Variants in OSBPL6 observed in about 807,000 individuals in gnomAD.
The protein encoded by OSBPL6 is oxysterol-binding protein-related protein 6.
In OSBPL6, 49 loss-of-function variants were observed where a neutral mutation model predicts 125.8. That is an observed-to-expected ratio of 0.39 (90% confidence interval 0.31 to 0.49). The LOEUF is 0.49. OSBPL6 is among the 20% of genes least tolerant of loss of function. The pLI is 0.88. For missense variants in OSBPL6, 986 were observed against 1,135.4 expected (o/e 0.87, Z 1.89); for synonymous variants, 394 against 391.8 (o/e 1.01, Z -0.07).
At chr2:178,279,646 A>G (rs767849104) in intron 1 of OSBPL6, among the ~76,000 whole-genome samples, 1 of 152,216 alleles carries the variant, frequency 6.6e-6, no homozygotes, top group Non-Finnish European at 1.5e-5. Flanking sequence ...ACGAAAACGC[A>G]TGTGTGTGCA....
rs202046526 is a variant in OSBPL6 at position 178,253,846 on chromosome 2, AGGTGG to A, written c.-350-31078_-350-31074del. On this transcript the variant is annotated intron_variant, in intron 1 of 24. Transcript: ENST00000190611. ...TAATCCCCAATGTGGCAGTATGGAG[AGGTGG>A]GGCCTTTAAGAGGTGATTGAGTCAT... Among the ~76,000 whole-genome samples, 876 of 152,282 alleles carry A rather than the reference AGGTGG, an allele frequency of 5.8e-3. 12 individuals carry two copies. Among genetic ancestry groups the A allele is most frequent in the African/African-American group, 0.019 (801 of 41,558 alleles).
intron 3 of OSBPL6, chr2:178,320,199 A>T: frequency 6.8e-7 from 1 of 1,480,312 alleles, no homozygotes; most frequent in Non-Finnish European, 9.0e-7. Context: ...CTGTTTACCT[A>T]TGTCTTTGAT....
At chr2:178,202,279 C>T (rs1010728071) in intron 1 of OSBPL6, among the ~76,000 whole-genome samples, 1 of 152,094 alleles carries the variant, frequency 6.6e-6, no homozygotes, top group African/African-American at 2.4e-5. Context: ...TTTCTTTCTT[C>T]TTAAAAGGAC....
chr2:178,294,887 G>A (rs1439442797), intron 2 of OSBPL6, among the ~76,000 whole-genome samples: 1 of 144,272 alleles, frequency 6.9e-6, no homozygotes, highest in Non-Finnish European at 1.5e-5. Flanking sequence ...TTTTTTTGTG[G>A]TGAGAACATG....
rs553381715 is a variant in OSBPL6 at position 178,396,575 on chromosome 2, A to G, written c.*1016A>G. Reference sequence around the variant, plus strand: ...TTTTGAGTGAAGCACCATGTAATCCATGTCTCAATCCCATGCCCGCTCCAC... The same window carrying G: ...TTTTGAGTGAAGCACCATGTAATCCGTGTCTCAATCCCATGCCCGCTCCAC... On this transcript the variant is annotated 3_prime_UTR_variant, in exon 25 of 25. Coordinates refer to ENST00000190611, the MANE Select transcript of OSBPL6 (RefSeq NM_032523.4). The G allele has an allele frequency of 3.3e-5, 5 of 152,386 alleles. No homozygotes were observed. In the East Asian group the frequency reaches 9.6e-4, roughly 29 times the overall value. 9.4% of individuals were successfully genotyped at this position (152,386 alleles called of 1,614,324 possible).
intron 15 of OSBPL6, among the ~76,000 whole-genome samples, chr2:178,379,279 G>GA (rs1335132191): frequency 1.4e-4 from 18 of 126,738 alleles, no homozygotes; most frequent in East Asian, 2.6e-4. Flanking sequence ...GAGAAAGAAA[G>GA]AAAGAAAAGA....
chr2:178,240,128 G>A (rs2091230280), intron 1 of OSBPL6, among the ~76,000 whole-genome samples: 7 of 152,132 alleles, frequency 4.6e-5, no homozygotes, highest in Admixed American at 4.6e-4. Flanking sequence ...CAGAAATTGA[G>A]GAGAGGCGAG....
Position 178,401,506 on chromosome 2 carries a change from AAAAG to A in OSBPL6, c.*5948_*5951del, listed in dbSNP as rs1696103574. ...GCCTTATTCCTTATATCCGGAGCCT[AAAAG>A]TTTGCTCAAAAGTAGAAAACTTTCC... is the stretch of plus-strand genomic sequence containing the variant. On this transcript the variant is annotated 3_prime_UTR_variant, in exon 25 of 25. Coordinates refer to ENST00000190611, the MANE Select transcript of OSBPL6 (RefSeq NM_032523.4). 6.6e-6 allele frequency: 1 copy of A among 152,256 alleles called. No individual in the cohort carries two copies. The allele number at this position is 152,256 out of a possible 1,614,324, so 9.4% of individuals were successfully genotyped here.
intron 1 of OSBPL6, among the ~76,000 whole-genome samples, chr2:178,246,439 C>A (rs1053587918): frequency 6.6e-6 from 1 of 152,148 alleles, no homozygotes; most frequent in South Asian, 2.1e-4. Context: ...CCTACTCCTT[C>A]AGCATTGAAG....
At position 178,401,314 on chromosome 2, in the gene OSBPL6, A is replaced by G. The variant is rs1201911827; in HGVS notation, c.*5755A>G. ...TGTGTCACAAACATTTGAAACACCC[A>G]GTGCTCAAGAATGCTGCTTTTCCAA... On this transcript the variant is annotated 3_prime_UTR_variant, in exon 25 of 25. Coordinates refer to ENST00000190611, the MANE Select transcript of OSBPL6 (RefSeq NM_032523.4). 2 of 152,214 alleles carry G rather than the reference A, an allele frequency of 1.3e-5. No individual in the cohort carries two copies. Among genetic ancestry groups the G allele is most frequent in the East Asian group, 3.8e-4 (2 of 5,200 alleles). The allele number at this position is 152,214 out of a possible 1,614,324, so 9.4% of individuals were successfully genotyped here.
At chr2:178,387,780 G>A (rs534545801) in intron 20 of OSBPL6, among the ~76,000 whole-genome samples, 28 of 152,184 alleles carry the variant, frequency 1.8e-4, no homozygotes, top group Admixed American at 7.2e-4. Flanking sequence ...TGAGGCGGGC[G>A]GATCACAAGG....
intron 1 of OSBPL6, among the ~76,000 whole-genome samples, chr2:178,268,148 T>C (rs1027002342): frequency 6.6e-6 from 1 of 151,718 alleles, no homozygotes; most frequent in Non-Finnish European, 1.5e-5. Context: ...AATGATGTGA[T>C]CTTGGCTCAC....
At chr2:178,338,223 G>A (rs1433673765) in intron 9 of OSBPL6, among the ~76,000 whole-genome samples, 2 of 151,830 alleles carry the variant, frequency 1.3e-5, no homozygotes, top group East Asian at 1.9e-4. Flanking sequence ...ATGAGCCACC[G>A]CACCCAGCCC....
At chr2:178,200,356 A>G (rs1392895963) in intron 1 of OSBPL6, among the ~76,000 whole-genome samples, 1 of 144,994 alleles carries the variant, frequency 6.9e-6, no homozygotes, top group African/African-American at 2.6e-5. Context: ...GGTTCAAGTG[A>G]TTCTCCTGCC....
chr2:178,328,601 C>T (rs1020980195), intron 5 of OSBPL6, among the ~76,000 whole-genome samples: 9 of 152,206 alleles, frequency 5.9e-5, no homozygotes, highest in African/African-American at 2.2e-4. Context: ...GATTCTTCCA[C>T]CTCAGCCTCC....
chr2:178,380,791 A>T (rs73973110), intron 15 of OSBPL6, among the ~76,000 whole-genome samples: 2,361 of 152,358 alleles, frequency 0.015, 68 homozygotes, highest in African/African-American at 0.054. Flanking sequence ...ATTCCTTGTT[A>T]TAATCATATA....
At chr2:178,322,321 C>T (rs887464267) in intron 3 of OSBPL6, among the ~76,000 whole-genome samples, 14 of 151,902 alleles carry the variant, frequency 9.2e-5, no homozygotes, top group African/African-American at 3.4e-4. Flanking sequence ...CGGGGAGAGT[C>T]GTTAAAGAGA....
chr2:178,347,417 C>G (rs896254542), intron 11 of OSBPL6, among the ~76,000 whole-genome samples: 1 of 151,908 alleles, frequency 6.6e-6, no homozygotes, highest in Non-Finnish European at 1.5e-5. Context: ...CCAGATCTAC[C>G]TATTTTTTCC....
At chr2:178,348,275 G>C (rs1378716864) in intron 11 of OSBPL6, among the ~76,000 whole-genome samples, 1 of 152,186 alleles carries the variant, frequency 6.6e-6, no homozygotes, top group Non-Finnish European at 1.5e-5. Context: ...ATTTCAACTT[G>C]TGGTGGAGTC....
Sources: gnomAD v4.1 joint callset for allele counts (sites outside exome capture counted in the v4.1 genomes callset) on GRCh38, gnomAD v4.1.1 for gene constraint, MANE v1.5 for transcripts, NCBI Gene and HGNC (gene_info 2026-07-23, HGNC 2026-07-21) for gene names.